BRD8: variants seen among roughly 807,000 people sequenced by gnomAD.
BRD8 encodes bromodomain containing 8, also known as bromodomain-containing protein 8.
Under a neutral mutation model 143.1 loss-of-function variants are expected in BRD8, and 67 were observed. The observed-to-expected ratio is 0.47, with a 90% CI of 0.38 to 0.57. The LOEUF (loss-of-function observed/expected upper bound fraction) is 0.57. BRD8 is among the 20% of genes least tolerant of loss of function. The pLI, the probability that BRD8 is intolerant of heterozygous loss-of-function variation, is 0.00. For synonymous variants in BRD8, 505 were observed against 517.1 expected, an observed-to-expected ratio of 0.98 and a Z score of 0.32; for missense variants, 1,103 against 1,503.0, an observed-to-expected ratio of 0.73 and a Z score of 4.40.
At chr5:138,160,870 C>T (rs1358775589) in intron 18 of BRD8, 21 bp downstream of exon 18, 4 of 1,540,764 alleles carry the variant, frequency 2.6e-6, no homozygotes, top group African/African-American at 2.8e-5. Flanking sequence ...CTTGCTGAAA[C>T]ACAAAGGATC....
rs1276291116 is a variant in BRD8, at chr5:138,139,881, T to C, written c.*193A>G. 2 of 550,240 alleles carry C rather than the reference T, an allele frequency of 3.6e-6. No individual in the cohort carries two copies. Among genetic ancestry groups the C allele is most frequent in the Admixed American group, 6.4e-5 (2 of 31,044 alleles). The allele number at this position is 550,240 out of a possible 1,614,324, so 34.1% of individuals were successfully genotyped here. On this transcript the variant is annotated 3_prime_UTR_variant, in exon 27 of 27. Coordinates refer to ENST00000254900, the MANE Select transcript of BRD8 (RefSeq NM_139199.2). ...ATGTGGGCAACATTTATGGCATAAA[T>C]CCAAACCTCAGCTTCCCCTTTTTTT...
intron 20 of BRD8, among the ~76,000 whole-genome samples, chr5:138,158,191 C>T (rs913341886): frequency 5.9e-5 from 9 of 152,036 alleles, no homozygotes; most frequent in African/African-American, 2.2e-4. Context: ...TGGACAAGTA[C>T]CTCATTATAT....
chr5:138,162,180 A>C (rs1486291769), intron 15 of BRD8, 34 bp from the exon 16 acceptor site: 1 of 1,475,098 alleles, frequency 6.8e-7, no homozygotes, highest in African/African-American at 1.4e-5. Context: ...CACTAGGCAC[A>C]AGTTAAAAAA....
At chr5:138,172,679 A>C (rs1753973489) in intron 2 of BRD8, 1 of 368,822 alleles carries the variant, frequency 2.7e-6, no homozygotes, top group African/African-American at 2.4e-5. Context: ...AAAAAAAAAA[A>C]AAAAAAAAAA....
rs140026455 is a variant in BRD8, at chr5:138,168,165, T to A, written c.643-87A>T. ...CAAAGCTCCAGCAGTTGATCAAACTTCATGAAAACTAATAGCTAATATCCA... is the reference window on the plus strand; with the variant it reads ...CAAAGCTCCAGCAGTTGATCAAACTACATGAAAACTAATAGCTAATATCCA... On this transcript the variant is annotated intron_variant, in intron 8 of 26. Transcript: ENST00000254900. The A allele has an allele frequency of 0.017, 15,192 of 920,448 alleles. 208 individuals are homozygous for A. Among genetic ancestry groups the A allele is most frequent in the Middle Eastern group, 0.051 (148 of 2,890 alleles). 57.0% of individuals were successfully genotyped at this position (920,448 alleles called of 1,614,324 possible). A position where few individuals can be genotyped will look rare whatever the true frequency, so the allele number is the denominator to read the frequency against.
At chr5:138,161,732 C>T in intron 17 of BRD8, 64 bp downstream of exon 17, 2 of 1,537,142 alleles carry the variant, frequency 1.3e-6, no homozygotes, top group South Asian at 2.3e-5. Flanking sequence ...GAAAGCAAAA[C>T]TTCACTAAGA....
In BRD8 at chr5:138,163,238, TTATCCA is replaced by T. The variant is rs1459004139; in HGVS notation, c.1973_1978del (p.Met658_Asp659del). The T allele has an allele frequency of 6.2e-7, 1 of 1,614,132 alleles. No homozygotes were observed. On this transcript the variant is annotated inframe_deletion, in exon 15 of 27. Transcript: ENST00000254900. Reference sequence around the variant, plus strand: ...ATCACTCTCGCTCACAGGAGGTTCATTATCCATTTCTGACAAGTAGCCTTCTCCTTG... The same window carrying T: ...ATCACTCTCGCTCACAGGAGGTTCATTTTCTGACAAGTAGCCTTCTCCTTG...
intron 13 of BRD8, 85 bp from the exon 14 acceptor site, chr5:138,164,218 T>C: frequency 6.3e-7 from 1 of 1,579,652 alleles, no homozygotes; most frequent in East Asian, 2.2e-5. Context: ...CAGCTCTCCT[T>C]TACATGCTGA....
chr5:138,152,591 C>G lies in BRD8; in HGVS notation c.2747G>C (p.Ser916Thr), dbSNP rs199793838. 1.4e-4 allele frequency: 220 copies of G among 1,614,202 alleles called. No homozygotes were observed. Among genetic ancestry groups the G allele is most frequent in the Admixed American group, 6.7e-5 (4 of 60,016 alleles). The change falls in exon 21 of 27, where the codon AGC becomes ACC. Residue 916 changes from serine to threonine, a missense_variant. Physicochemically the swap from Ser to Thr is moderately conservative, Grantham distance 58 (BLOSUM62 1). This residue lies in a region of BRD8 where 369 missense variants were observed against 445.5 expected (regional missense o/e 0.83). Coordinates refer to ENST00000254900, the MANE Select transcript of BRD8 (RefSeq NM_139199.2). ...DPEAEELEES[S>T]PEREPSELLV... ...CAGTTCACTAGGTTCTCTCTCCGGG[C>G]TGCTTTCCTCTAGTTCCTCAGCCTC...
chr5:138,166,784 C>A, intron 9 of BRD8, 57 bp from the exon 10 acceptor site: 1 of 1,057,250 alleles, frequency 9.5e-7, no homozygotes, highest in Non-Finnish European at 1.5e-6. Flanking sequence ...AAATAAGAAG[C>A]AATAGCTACT....
chr5:138,158,515 G>A (rs1227583957), intron 20 of BRD8, among the ~76,000 whole-genome samples: 3 of 148,508 alleles, frequency 2.0e-5, no homozygotes, highest in African/African-American at 5.0e-5. Flanking sequence ...CTCAGCTCAC[G>A]GCAACCTCCG....
chr5:138,160,522 A>C (rs1752925906), intron 18 of BRD8, among the ~76,000 whole-genome samples: 1 of 152,216 alleles, frequency 6.6e-6, no homozygotes, highest in African/African-American at 2.4e-5. Context: ...CACCCCAAAA[A>C]GTACCTGGTA....
At chr5:138,163,529 T>C in intron 14 of BRD8, 185 bp from the exon 15 acceptor site, 1 of 1,458,262 alleles carries the variant, frequency 6.9e-7, no homozygotes, top group East Asian at 2.5e-5. Context: ...ATTTAGAACC[T>C]GGACAAAGAA....
intron 16 of BRD8, 62 bp from the exon 17 acceptor site, chr5:138,161,926 C>G: frequency 1.3e-6 from 2 of 1,588,230 alleles, no homozygotes; most frequent in Non-Finnish European, 1.7e-6. Flanking sequence ...AGGGAACTTA[C>G]TCTAAGTAAC....
intron 10 of BRD8, 91 bp downstream of exon 10, chr5:138,166,427 G>T: frequency 1.4e-6 from 1 of 737,268 alleles, no homozygotes; most frequent in Non-Finnish European, 2.2e-6. Flanking sequence ...CAGAGAAGAA[G>T]CATCTGAATC....
At chr5:138,146,784 C>T (rs1013186173) in intron 23 of BRD8, among the ~76,000 whole-genome samples, 17 of 150,864 alleles carry the variant, frequency 1.1e-4, no homozygotes, top group Non-Finnish European at 5.9e-5. Context: ...CTGGCTAACA[C>T]GGTGAAACCC....
chr5:138,169,466 A>G (rs1389402778), intron 7 of BRD8, 108 bp from the exon 8 acceptor site: 1 of 1,257,626 alleles, frequency 8.0e-7, no homozygotes, highest in Non-Finnish European at 1.1e-6. Flanking sequence ...TTGCATTACT[A>G]AAGCAGCATA....
At chr5:138,158,431 A>ACTTTTTTTTTT (rs1008045878) in intron 20 of BRD8, among the ~76,000 whole-genome samples, 3 of 151,572 alleles carry the variant, frequency 2.0e-5, no homozygotes, top group Non-Finnish European at 4.4e-5. Context: ...TGCAGTGGTC[A>ACTTTTTTTTTT]CTTTTTTTTT....
intron 23 of BRD8, among the ~76,000 whole-genome samples, chr5:138,147,415 C>G (rs1269631620): frequency 6.6e-6 from 1 of 151,210 alleles, no homozygotes; most frequent in Non-Finnish European, 1.5e-5. Context: ...CTGGGTGGAT[C>G]TGGGATATAC....
Sources: allele counts gnomAD v4.1 joint callset (sites outside exome capture counted in the v4.1 genomes callset), GRCh38; gene constraint gnomAD v4.1.1; regional missense constraint gnomAD v4.1.1; transcripts MANE v1.5; gene names NCBI Gene and HGNC (gene_info 2026-07-23, HGNC 2026-07-21).